The following LEO1 variants were observed in gnomAD, a reference collection of about 807,000 sequenced individuals.
The protein encoded by LEO1 is LEO1 component of Paf1/RNA polymerase II complex, also known as RNA polymerase-associated protein LEO1.
In LEO1, 34 loss-of-function variants were observed where a neutral mutation model predicts 80.4. The observed-to-expected ratio is 0.42, with a 90% CI of 0.32 to 0.56. The LOEUF (loss-of-function observed/expected upper bound fraction) is 0.56, where lower values mean the gene tolerates loss of function less well. Ranked by LOEUF, LEO1 falls within the 20% of genes least tolerant of loss-of-function variation. The pLI is 0.10. For synonymous variants in LEO1, 262 were observed against 274.9 expected, an observed-to-expected ratio of 0.95 and a Z score of 0.46; for missense variants, 631 against 814.2, an observed-to-expected ratio of 0.77 and a Z score of 2.74.
chr15:51,971,061 C>G (rs1002982860), intron 1 of LEO1, among the ~76,000 whole-genome samples: 1 of 152,196 alleles, frequency 6.6e-6, no homozygotes, highest in African/African-American at 2.4e-5. Flanking sequence ...TTCATTCCTC[C>G]TCTCTGTACA....
Position 51,965,893 on chromosome 15 carries a change from C to G in LEO1, c.670G>C (p.Asp224His), listed in dbSNP as rs762842807. ...TCATCATCAGAATTCTGTTTCTCAT[C>G]ATCATTATCAGAAGCTACCGGCCGT... ...DERPVASDND[D>H]EKQNSDDEEQ... is the part of the protein sequence containing the mutation. Residue 224 changes from aspartate (D) to histidine (H), a missense_variant, in exon 2 of 12, where the codon GAT becomes CAT. This residue lies in a region of LEO1 where 394 missense variants were observed against 395.6 expected (regional missense o/e 1.00). Transcript: ENST00000299601. The G allele has an allele frequency of 3.7e-6, 6 of 1,614,134 alleles. No homozygotes were observed. The highest frequency in any genetic ancestry group is 1.7e-5 in the Admixed American group (1 of 60,012).
At chr15:51,959,835 G>T in intron 5 of LEO1, 64 bp downstream of exon 5, 1 of 1,394,082 alleles carries the variant, frequency 7.2e-7, no homozygotes, top group Non-Finnish European at 9.5e-7. Context: ...TGCGAAATAA[G>T]AAAAATAAAC....
chr15:51,960,721 G>A lies in LEO1; in HGVS notation c.932C>T (p.Thr311Ile). 6.2e-7 allele frequency: 1 copy of A among 1,603,364 alleles called. No homozygotes were observed. Among genetic ancestry groups the A allele is most frequent in the African/African-American group, 1.3e-5 (1 of 74,832 alleles). ...ATCTGCACCTCCAAATAAATCCATG[G>A]TTCCACTATTATCTTCAATGCAGAA... ...DTEVPKDNSG[T>I]MDLFGGADDI... Residue 311 changes from threonine (T) to isoleucine (I), a missense_variant, in exon 4 of 12, where the codon ACC (threonine) becomes ATC (isoleucine). Transcript: ENST00000299601.
chr15:51,953,061 A>G, intron 8 of LEO1, 68 bp downstream of exon 8: 2 of 1,332,766 alleles, frequency 1.5e-6, no homozygotes, highest in Non-Finnish European at 2.1e-6. Context: ...GGTGGCAGGC[A>G]TTACAGAAAC....
In LEO1 at chr15:51,966,380, C is replaced by T. The variant is rs2057077741; in HGVS notation, c.183G>A (p.Leu61=). The T allele has an allele frequency of 6.2e-7, 1 of 1,614,192 alleles. No homozygotes were observed. The highest frequency in any genetic ancestry group is 8.5e-7 in the Non-Finnish European group (1 of 1,180,006). The change falls in exon 2 of 12, where the codon CTG becomes CTA. Residue 61 remains leucine (L), a synonymous_variant. Coordinates refer to ENST00000299601, the MANE Select transcript of LEO1 (RefSeq NM_138792.4). The part of the protein sequence containing the change: ...GDSGQPSNKE[L]FGDDSEDEGA... ...CCTCGTCCTCACTGTCATCTCCAAA[C>T]AGTTCCTTATTACTTGGTTGTCCTG...
intron 7 of LEO1, among the ~76,000 whole-genome samples, chr15:51,953,758 T>C (rs1277337661): frequency 6.6e-6 from 1 of 152,004 alleles, no homozygotes; most frequent in African/African-American, 2.4e-5. Context: ...TGCTGGGATG[T>C]TTACCAGGCT....
At chr15:51,968,747 T>C (rs1439041506) in intron 1 of LEO1, among the ~76,000 whole-genome samples, 1 of 151,862 alleles carries the variant, frequency 6.6e-6, no homozygotes, top group Non-Finnish European at 1.5e-5. Context: ...AATAATCACT[T>C]GAACCCAGAA....
chr15:51,967,251 T>G (rs965045710), intron 1 of LEO1, among the ~76,000 whole-genome samples: 11 of 152,178 alleles, frequency 7.2e-5, no homozygotes, highest in Admixed American at 3.3e-4. Flanking sequence ...GGCGGGCAGA[T>G]CACTTGAGGT....
chr15:51,954,223 CTT>C (rs75902868), intron 7 of LEO1, among the ~76,000 whole-genome samples: 1 of 142,776 alleles, frequency 7.0e-6, no homozygotes. Flanking sequence ...GTGCCTGGCT[CTT>C]TTTTTTTTTT....
chr15:51,963,756 G>T (rs549260305), intron 2 of LEO1, among the ~76,000 whole-genome samples: 1 of 152,046 alleles, frequency 6.6e-6, no homozygotes, highest in African/African-American at 2.4e-5. Context: ...ACAAAAATTA[G>T]CTGGGTTTGG....
chr15:51,955,236 C>G (rs1189767019), intron 6 of LEO1, among the ~76,000 whole-genome samples: 2 of 152,118 alleles, frequency 1.3e-5, no homozygotes, highest in Non-Finnish European at 2.9e-5. Flanking sequence ...CCACGCCCGG[C>G]CGAGGAAGAA....
chr15:51,969,453 G>T lies in LEO1; in HGVS notation c.58+2235C>A, dbSNP rs575398476. ...AGTTTGAGACCAGCCTGGCCAAAAT[G>T]GCAAAACCTCATGTCTACTAAAAAT... On this transcript the variant is annotated intron_variant, in intron 1 of 11. Transcript: ENST00000299601. Among the ~76,000 whole-genome samples, 7 of 151,948 alleles carry T rather than the reference G, an allele frequency of 4.6e-5. No individual in the cohort carries two copies. In the South Asian group the frequency reaches 1.5e-3, roughly 32 times the overall value.
intron 8 of LEO1, among the ~76,000 whole-genome samples, chr15:51,952,836 G>A (rs536807109): frequency 2.0e-5 from 3 of 152,300 alleles, no homozygotes; most frequent in East Asian, 3.8e-4. Flanking sequence ...GCAGACACAC[G>A]TATTTTAGGC....
chr15:51,964,919 T>C (rs1009365415), intron 2 of LEO1, among the ~76,000 whole-genome samples: 1 of 152,168 alleles, frequency 6.6e-6, no homozygotes, highest in African/African-American at 2.4e-5. Flanking sequence ...ATGGCAATGA[T>C]AAAAGCAGGT....
intron 1 of LEO1, among the ~76,000 whole-genome samples, chr15:51,967,926 G>A (rs956766308): frequency 2.6e-5 from 4 of 152,254 alleles, no homozygotes; most frequent in African/African-American, 7.2e-5. Context: ...GCTCATGCCT[G>A]TAATCCCAAC....
intron 11 of LEO1, among the ~76,000 whole-genome samples, chr15:51,942,933 A>C: frequency 6.7e-6 from 1 of 150,298 alleles, no homozygotes. Context: ...AAAAAAAAAA[A>C]AAAACCAAAA....
At chr15:51,954,745 G>A (rs1205602657) in intron 6 of LEO1, 170 bp from the exon 7 acceptor site, 3 of 568,080 alleles carry the variant, frequency 5.3e-6, no homozygotes, top group Non-Finnish European at 9.4e-6. Flanking sequence ...AGAGAGGTTG[G>A]ATAAATTAAA....
chr15:51,951,478 G>T (rs538173770), intron 9 of LEO1, among the ~76,000 whole-genome samples: 2 of 152,092 alleles, frequency 1.3e-5, no homozygotes, highest in Non-Finnish European at 2.9e-5. Context: ...CAAACTCCTG[G>T]TCTATTCTCT....
chr15:51,940,643 G>A (rs2056843014), intron 11 of LEO1, among the ~76,000 whole-genome samples: 1 of 152,046 alleles, frequency 6.6e-6, no homozygotes, highest in South Asian at 2.1e-4. Flanking sequence ...GGGAATGGGT[G>A]CAGTGGCTCA....
Sources: gnomAD v4.1 joint callset for allele counts (sites outside exome capture counted in the v4.1 genomes callset) on GRCh38, gnomAD v4.1.1 for gene constraint, gnomAD v4.1.1 regional missense constraint, MANE v1.5 for transcripts, NCBI Gene and HGNC (gene_info 2026-07-23, HGNC 2026-07-21) for gene names.